Variants in SPOCK1 observed in about 807,000 individuals in gnomAD.
SPOCK1 encodes SPARC (osteonectin), cwcv and kazal like domains proteoglycan 1, also known as testican-1.
SPOCK1 carries 23 observed loss-of-function variants against 55.3 expected under a neutral mutation model. That is an observed-to-expected ratio of 0.42 (90% CI 0.30 to 0.59). The LOEUF is 0.59. SPOCK1 is among the 20% of genes least tolerant of loss of function. The pLI is 0.22. For synonymous variants in SPOCK1, 226 were observed against 221.0 expected (o/e 1.02, Z -0.20); for missense variants, 499 against 552.5 (o/e 0.90, Z 0.97).
At chr5:137,426,644 A>G (rs1162429475) in intron 2 of SPOCK1, among the ~76,000 whole-genome samples, 1 of 152,160 alleles carries the variant, frequency 6.6e-6, no homozygotes, top group Non-Finnish European at 1.5e-5. Context: ...CTCAAACATC[A>G]TATACCTATA....
intron 2 of SPOCK1, among the ~76,000 whole-genome samples, chr5:137,356,798 A>AATATATATATATATATATATATATAT (rs1191051173): frequency 7.3e-5 from 1 of 13,742 alleles, no homozygotes; most frequent in African/African-American, 3.5e-4. Context: ...CAAAAAAAAT[A>AATATATATATATATATATATATATAT]ATATATATAT....
At chr5:137,124,186 ACATATTTCAATTAGTTTGCAG>A (rs1406712637) in intron 4 of SPOCK1, among the ~76,000 whole-genome samples, 12 of 152,314 alleles carry the variant, frequency 7.9e-5, no homozygotes, top group South Asian at 2.1e-4. Flanking sequence ...GCAGGAAATC[ACATATTTCAATTAGTTTGCAG>A]CATATTTCAA....
chr5:137,266,452 C>G (rs1217603469), intron 3 of SPOCK1, among the ~76,000 whole-genome samples: 1 of 152,154 alleles, frequency 6.6e-6, no homozygotes, highest in Non-Finnish European at 1.5e-5. Context: ...TGGTTTGATG[C>G]TTGCTGGGGG....
chr5:137,119,362 C>T (rs1753645886), intron 4 of SPOCK1, among the ~76,000 whole-genome samples: 1 of 152,128 alleles, frequency 6.6e-6, no homozygotes, highest in South Asian at 2.1e-4. Flanking sequence ...AAATGAAAAA[C>T]ATGTTAACCA....
chr5:137,119,882 C>A (rs888800556), intron 4 of SPOCK1, among the ~76,000 whole-genome samples: 3 of 152,206 alleles, frequency 2.0e-5, no homozygotes, highest in African/African-American at 7.2e-5. Context: ...CTTTAACATA[C>A]CAGGCATTGT....
intron 3 of SPOCK1, among the ~76,000 whole-genome samples, chr5:137,206,318 C>T (rs1755520121): frequency 1.3e-5 from 2 of 152,212 alleles, no homozygotes; most frequent in Non-Finnish European, 2.9e-5. Context: ...AGCTTCATGC[C>T]CCCAAGGCCA....
At chr5:137,025,336 G>A (rs1189872247) in intron 6 of SPOCK1, among the ~76,000 whole-genome samples, 1 of 152,080 alleles carries the variant, frequency 6.6e-6, no homozygotes, top group African/African-American at 2.4e-5. Context: ...CAGCATCACA[G>A]GTGAGATAAG....
intron 2 of SPOCK1, among the ~76,000 whole-genome samples, chr5:137,288,819 G>A (rs996468344): frequency 6.6e-6 from 1 of 152,200 alleles, no homozygotes; most frequent in Admixed American, 6.5e-5. Flanking sequence ...AACTTTAAAA[G>A]CCACTAAGGT....
At chr5:137,176,390 T>C (rs575324308) in intron 3 of SPOCK1, among the ~76,000 whole-genome samples, 1 of 152,204 alleles carries the variant, frequency 6.6e-6, no homozygotes, top group African/African-American at 2.4e-5. Flanking sequence ...GGAAGACTCT[T>C]GGATGTCCTG....
At chr5:137,432,479 T>C (rs1241954883) in intron 2 of SPOCK1, among the ~76,000 whole-genome samples, 1 of 152,220 alleles carries the variant, frequency 6.6e-6, no homozygotes, top group Non-Finnish European at 1.5e-5. Flanking sequence ...AAAGACATTA[T>C]GCTAAGTGAA....
intron 5 of SPOCK1, among the ~76,000 whole-genome samples, chr5:137,072,130 A>G (rs1752632463): frequency 2.6e-5 from 4 of 152,250 alleles, no homozygotes; most frequent in Admixed American, 2.6e-4. Flanking sequence ...CAGCAGCCTC[A>G]GGATATGAGC....
chr5:137,091,602 C>T (rs999095763), intron 5 of SPOCK1, among the ~76,000 whole-genome samples: 1 of 152,218 alleles, frequency 6.6e-6, no homozygotes, highest in Non-Finnish European at 1.5e-5. Context: ...GGCTCTCAGG[C>T]TCTCAGAGCC....
chr5:137,043,541 T>G (rs376427916), intron 6 of SPOCK1, among the ~76,000 whole-genome samples: 15 of 152,168 alleles, frequency 9.9e-5, no homozygotes, highest in African/African-American at 3.4e-4. Flanking sequence ...CTCAGCCAGG[T>G]GATCAAGGTT....
intron 2 of SPOCK1, chr5:137,365,355 G>C (rs905887524): frequency 2.6e-5 from 4 of 152,202 alleles, no homozygotes; most frequent in African/African-American, 9.7e-5. Flanking sequence ...ACCTTCCAAG[G>C]GGCAGTTCTG....
At chr5:137,242,550 T>C (rs1488829081) in intron 3 of SPOCK1, among the ~76,000 whole-genome samples, 1 of 152,134 alleles carries the variant, frequency 6.6e-6, no homozygotes, top group Non-Finnish European at 1.5e-5. Context: ...AGTATGAAAA[T>C]GGACTAATAC....
intron 2 of SPOCK1, among the ~76,000 whole-genome samples, chr5:137,428,420 G>A (rs1330673697): frequency 6.6e-6 from 1 of 152,168 alleles, no homozygotes; most frequent in Non-Finnish European, 1.5e-5. Context: ...GGCCATGGGA[G>A]AGCCAGTCCC....
intron 2 of SPOCK1, among the ~76,000 whole-genome samples, chr5:137,430,719 A>T (rs1421206225): frequency 6.6e-6 from 1 of 152,190 alleles, no homozygotes; most frequent in African/African-American, 2.4e-5. Flanking sequence ...AATCACTCTC[A>T]TTTTGGCTTT....
chr5:137,286,724 G>A (rs2127128267), intron 2 of SPOCK1, among the ~76,000 whole-genome samples: 1 of 152,286 alleles, frequency 6.6e-6, no homozygotes, highest in Non-Finnish European at 1.5e-5. Flanking sequence ...GCCAGTGACA[G>A]GGACCCAGGT....
chr5:137,160,512 CAT>C (rs145002200), intron 3 of SPOCK1, among the ~76,000 whole-genome samples: 1,734 of 76,640 alleles, frequency 0.023, 75 homozygotes, highest in African/African-American at 0.083. Flanking sequence ...TATATATACA[CAT>C]ATATATATAA....
Sources: gnomAD v4.1 joint callset for allele counts (sites outside exome capture counted in the v4.1 genomes callset) on GRCh38, gnomAD v4.1.1 for gene constraint, MANE v1.5 for transcripts, NCBI Gene and HGNC (gene_info 2026-07-23, HGNC 2026-07-21) for gene names.